The following TLL1 variants were observed in gnomAD, a reference collection of about 807,000 sequenced individuals.
TLL1 encodes the protein tolloid-like protein 1.
A neutral mutation model predicts 128.2 loss-of-function variants in TLL1; 49 were observed. The ratio of observed to expected loss-of-function variants is 0.38; its 90% confidence interval spans 0.30 to 0.48. The LOEUF (loss-of-function observed/expected upper bound fraction) is 0.48. TLL1 is among the 20% of genes least tolerant of loss of function. The pLI, the probability that TLL1 is intolerant of heterozygous loss-of-function variation, is 0.96. For missense variants in TLL1, 1,123 were observed against 1,242.0 expected, an observed-to-expected ratio of 0.90 and a Z score of 1.44; for synonymous variants, 454 against 418.8, an observed-to-expected ratio of 1.08 and a Z score of -1.03.
chr4:165,929,096 C>A (rs571162851), intron 1 of TLL1, among the ~76,000 whole-genome samples: 21 of 152,118 alleles, frequency 1.4e-4, no homozygotes, highest in Non-Finnish European at 2.8e-4. Context: ...TGGCCTGGCA[C>A]AATCTGATGA....
At chr4:166,022,518 T>C (rs1297675094) in intron 8 of TLL1, among the ~76,000 whole-genome samples, 1 of 152,164 alleles carries the variant, frequency 6.6e-6, no homozygotes, top group Non-Finnish European at 1.5e-5. Flanking sequence ...ATACAAATTA[T>C]TGTGTGTCTA....
chr4:165,902,787 G>A (rs752439486), intron 1 of TLL1, among the ~76,000 whole-genome samples: 1 of 152,124 alleles, frequency 6.6e-6, no homozygotes, highest in Non-Finnish European at 1.5e-5. Flanking sequence ...ATATCTATGT[G>A]TAAAACCTAC....
At chr4:165,887,110 T>C (rs1325409864) in intron 1 of TLL1, among the ~76,000 whole-genome samples, 8 of 152,208 alleles carry the variant, frequency 5.3e-5, no homozygotes. Context: ...AAGGGATCTT[T>C]AGAGCCCAGG....
At chr4:165,896,479 CTTTTTTTT>C (rs70955648) in intron 1 of TLL1, among the ~76,000 whole-genome samples, 1 of 102,162 alleles carries the variant, frequency 9.8e-6, no homozygotes. Flanking sequence ...AATGGTATTT[CTTTTTTTT>C]TTTTTTTTTT....
intron 1 of TLL1, among the ~76,000 whole-genome samples, chr4:165,957,779 G>A (rs1734881230): frequency 6.7e-6 from 1 of 148,712 alleles, no homozygotes; most frequent in African/African-American, 2.5e-5. Context: ...AGTTACATAC[G>A]TATACATGTG....
At chr4:165,962,979 GA>G (rs1561058177) in intron 1 of TLL1, among the ~76,000 whole-genome samples, 2 of 148,170 alleles carry the variant, frequency 1.3e-5, no homozygotes, top group African/African-American at 5.0e-5. Flanking sequence ...CACTTGAACC[GA>G]GGAGGCGGAG....
intron 1 of TLL1, among the ~76,000 whole-genome samples, chr4:165,928,325 G>A (rs141560109): frequency 6.6e-6 from 1 of 152,234 alleles, no homozygotes; most frequent in East Asian, 1.9e-4. Flanking sequence ...GAGACGGCAG[G>A]CATGTAAACA....
chr4:165,890,736 T>C (rs907535402), intron 1 of TLL1, among the ~76,000 whole-genome samples: 2 of 152,192 alleles, frequency 1.3e-5, no homozygotes, highest in African/African-American at 4.8e-5. Context: ...GCATTGAGTG[T>C]CTGCACCTTT....
At chr4:166,093,368 G>T (rs1741867731) in intron 19 of TLL1, among the ~76,000 whole-genome samples, 1 of 152,132 alleles carries the variant, frequency 6.6e-6, no homozygotes, top group South Asian at 2.1e-4. Context: ...TCAAGGGGAG[G>T]TACTATGCCT....
At chr4:166,027,386 G>A (rs566990786) in intron 9 of TLL1, among the ~76,000 whole-genome samples, 2 of 152,264 alleles carry the variant, frequency 1.3e-5, no homozygotes, top group South Asian at 4.1e-4. Context: ...AAAGTTTGAT[G>A]TTCTTGATGA....
intron 1 of TLL1, among the ~76,000 whole-genome samples, chr4:165,909,672 T>C (rs1251733555): frequency 6.6e-6 from 1 of 152,208 alleles, no homozygotes; most frequent in Non-Finnish European, 1.5e-5. Context: ...GTTTTGTCTG[T>C]AGACCATGCT....
At chr4:166,043,094 A>G (rs1471618309) in intron 11 of TLL1, among the ~76,000 whole-genome samples, 180 bp from the exon 12 acceptor site, 1 of 138,352 alleles carries the variant, frequency 7.2e-6, no homozygotes, top group Non-Finnish European at 1.6e-5. Context: ...TAGTTACTTT[A>G]CTAGGTTTTT....
chr4:166,073,361 TAGG>T (rs1740876664), intron 16 of TLL1, among the ~76,000 whole-genome samples: 1 of 152,186 alleles, frequency 6.6e-6, no homozygotes. Flanking sequence ...GCTAATGGAA[TAGG>T]AGTTCAAAAT....
At chr4:165,909,146 C>T (rs926398125) in intron 1 of TLL1, among the ~76,000 whole-genome samples, 1 of 151,912 alleles carries the variant, frequency 6.6e-6, no homozygotes, top group Non-Finnish European at 1.5e-5. Flanking sequence ...GAGATCGTGC[C>T]ACTGCACTCC....
chr4:165,916,797 C>G (rs1264794354), intron 1 of TLL1, among the ~76,000 whole-genome samples: 29 of 152,052 alleles, frequency 1.9e-4, no homozygotes, highest in Non-Finnish European at 7.4e-5. Context: ...GGTTCTGCTG[C>G]CTGTCTATAC....
chr4:166,052,965 G>GTATATATATATATATATATATATATA (rs61229255), intron 12 of TLL1, among the ~76,000 whole-genome samples: 24 of 99,696 alleles, frequency 2.4e-4, no homozygotes, highest in African/African-American at 7.2e-4. Context: ...GAGGTTATGT[G>GTATATATATATATATATATATATATA]TATATATATA....
chr4:165,906,939 G>T (rs1732287118), intron 1 of TLL1, among the ~76,000 whole-genome samples: 1 of 145,648 alleles, frequency 6.9e-6, no homozygotes, highest in Non-Finnish European at 1.5e-5. Context: ...CTTTAAACCT[G>T]TTTTATATTT....
Position 166,007,808 on chromosome 4 carries a change from G to GT in TLL1, c.812-134dup, listed in dbSNP as rs906221777. On this transcript the variant is annotated intron_variant, in intron 6 of 20. Coordinates refer to ENST00000061240, the MANE Select transcript of TLL1 (RefSeq NM_012464.5). ...AGACAGATGCTTTCTGCATGTGCCT[G>GT]TGTGTTTTGTATGTAAATTCGATCA... 9 of 688,528 alleles carry GT rather than the reference G, an allele frequency of 1.3e-5. No homozygotes were observed. In the East Asian group the frequency reaches 2.2e-4, roughly 17 times the overall value. The allele number at this position is 688,528 out of a possible 1,614,324, so 42.7% of individuals were successfully genotyped here.
chr4:166,043,631 G>A (rs755454911), intron 12 of TLL1, among the ~76,000 whole-genome samples: 1 of 152,146 alleles, frequency 6.6e-6, no homozygotes, highest in Non-Finnish European at 1.5e-5. Flanking sequence ...ATTAAAGTGA[G>A]TTTACATTAT....
Sources: allele counts gnomAD v4.1 joint callset (sites outside exome capture counted in the v4.1 genomes callset), GRCh38; gene constraint gnomAD v4.1.1; transcripts MANE v1.5; gene names NCBI Gene and HGNC (gene_info 2026-07-23, HGNC 2026-07-21).